Variants in ANXA6 observed in about 807,000 individuals in gnomAD.
The protein encoded by ANXA6 is 67 kDa calelectrin.
ANXA6 carries 71 observed loss-of-function variants against 95.4 expected under a neutral mutation model. That is an observed-to-expected ratio of 0.74 (90% CI 0.61 to 0.91). ANXA6 has a LOEUF of 0.91. ANXA6 is among the 40% of genes least tolerant of loss of function. The probability of loss-of-function intolerance (pLI) is 0.00; values close to 1 mark genes in which losing one functional copy is unlikely to be tolerated. For synonymous variants in ANXA6, 289 were observed against 315.9 expected (o/e 0.91, Z 0.90); for missense variants, 830 against 876.4 (o/e 0.95, Z 0.67).
chr5:151,139,160 C>A, intron 4 of ANXA6, 193 bp downstream of exon 4: 1 of 596,258 alleles, frequency 1.7e-6, no homozygotes, highest in South Asian at 2.0e-5. Context: ...ACGAGCCCAG[C>A]ATACAGCAGG....
intron 23 of ANXA6, among the ~76,000 whole-genome samples, chr5:151,107,076 T>A (rs1218783202): frequency 6.6e-6 from 1 of 152,202 alleles, no homozygotes; most frequent in Admixed American, 6.5e-5. Context: ...GCTATAAGCC[T>A]CTCTGAACTC....
chr5:151,113,170 G>A (rs1029565333), intron 20 of ANXA6, among the ~76,000 whole-genome samples: 1 of 152,210 alleles, frequency 6.6e-6, no homozygotes, highest in East Asian at 1.9e-4. Flanking sequence ...GGAGGCTGAG[G>A]CAGGTTGATC....
At chr5:151,146,537 A>T (rs1765980079) in intron 2 of ANXA6, among the ~76,000 whole-genome samples, 1 of 152,100 alleles carries the variant, frequency 6.6e-6, no homozygotes, top group South Asian at 2.1e-4. Context: ...GGATGGATGG[A>T]GTTTTATTAT....
intron 13 of ANXA6, 81 bp downstream of exon 13, chr5:151,128,100 C>T: frequency 8.2e-7 from 1 of 1,215,396 alleles, no homozygotes; most frequent in Non-Finnish European, 1.2e-6. Context: ...TCCAATCCAC[C>T]CATCAGGATG....
At position 151,130,213 on chromosome 5, in the gene ANXA6, C is replaced by T. The variant is rs961723309; in HGVS notation, c.796-684G>A. Among the ~76,000 whole-genome samples, 14 of 151,768 alleles carry T rather than the reference C, an allele frequency of 9.2e-5. No individual in the cohort carries two copies. The South Asian group carries it at 1.7e-3, about 18-fold the overall frequency. On this transcript the variant is annotated intron_variant, in intron 11 of 25. Coordinates refer to ENST00000354546, the MANE Select transcript of ANXA6 (RefSeq NM_001155.5). ...TAGCTTTTTCCTAATATAAGCAATACTGTTATAAGTTTTTTTTTTCTTTTT... is the reference window on the plus strand; with the variant it reads ...TAGCTTTTTCCTAATATAAGCAATATTGTTATAAGTTTTTTTTTTCTTTTT...
rs148351372 is a variant in ANXA6, at chr5:151,133,023, G to A, written c.640+71C>T. On this transcript the variant is annotated intron_variant, in intron 9 of 25. Coordinates refer to ENST00000354546, the MANE Select transcript of ANXA6 (RefSeq NM_001155.5). ...CATGTTCCATTAGTGGTAAAGAAAA[G>A]AAAAGAGATAAAGAAAGGCATTATT... The A allele has an allele frequency of 3.7e-4, 429 of 1,163,374 alleles. 3 individuals are homozygous for A. In the East Asian group the frequency reaches 0.011, roughly 29 times the overall value. The allele number at this position is 1,163,374 out of a possible 1,614,324, so 72.1% of individuals were successfully genotyped here. A position where few individuals can be genotyped will look rare whatever the true frequency, so the allele number is the denominator to read the frequency against.
intron 6 of ANXA6, 48 bp from the exon 7 acceptor site, chr5:151,136,383 G>T: frequency 1.3e-6 from 2 of 1,579,862 alleles, no homozygotes; most frequent in Non-Finnish European, 1.7e-6. Context: ...AGACCTCAGG[G>T]ATCTAGGATA....
chr5:151,128,356 G>T, intron 12 of ANXA6, 117 bp from the exon 13 acceptor site: 1 of 859,758 alleles, frequency 1.2e-6, no homozygotes, highest in Non-Finnish European at 1.9e-6. Context: ...CTTATTCATA[G>T]CAGCCCTGGC....
Position 151,147,897 on chromosome 5 carries a change from G to T in ANXA6, c.5C>A (p.Ala2Asp). ...GAGGCCCCTTACCTGTGCTGGTTTG[G>T]CCATGGTCTCCGGTTCGCAGCAGAA... is the stretch of plus-strand genomic sequence containing the variant. M[A>D]KPAQGAKYRG... Residue 2 changes from alanine (A) to aspartate (D), a missense_variant, in exon 2 of 26, where the codon GCC becomes GAC. Ala to Asp is a moderately radical substitution (Grantham distance 126). Transcript: ENST00000354546. 2 of 1,605,514 alleles carry T rather than the reference G, an allele frequency of 1.2e-6. No individual in the cohort carries two copies. The highest frequency in any genetic ancestry group is 3.4e-5 in the Admixed American group (2 of 58,868).
In ANXA6 at chr5:151,117,751, C is replaced by A; in HGVS notation, c.1518+7G>T. 1 of 1,612,856 alleles carries A rather than the reference C, an allele frequency of 6.2e-7. No individual in the cohort carries two copies. Among genetic ancestry groups the A allele is most frequent in the South Asian group, 1.1e-5 (1 of 90,900 alleles). On this transcript the variant is annotated splice_region_variant and intron_variant, in intron 19 of 25. Coordinates refer to ENST00000354546, the MANE Select transcript of ANXA6 (RefSeq NM_001155.5). ...CAAGCCGACCTGGGGCCCATGAATTCACTCACCGTGGCCAGAGAAATGAGG... is the reference window on the plus strand; with the variant it reads ...CAAGCCGACCTGGGGCCCATGAATTAACTCACCGTGGCCAGAGAAATGAGG...
chr5:151,134,822 C>T (rs991689042), intron 7 of ANXA6, among the ~76,000 whole-genome samples: 2 of 152,170 alleles, frequency 1.3e-5, no homozygotes, highest in African/African-American at 2.4e-5. Context: ...AGGGTCCCTG[C>T]CACAGATCCT....
At chr5:151,141,664 A>G (rs1327005265) in intron 2 of ANXA6, 1 of 985,308 alleles carries the variant, frequency 1.0e-6, no homozygotes, top group African/African-American at 1.7e-5. Flanking sequence ...CTGTCTGCAG[A>G]GGCTGGCTCC....
At chr5:151,124,166 G>T in intron 15 of ANXA6, 120 bp downstream of exon 15, 1 of 835,904 alleles carries the variant, frequency 1.2e-6, no homozygotes, top group Non-Finnish European at 2.0e-6. Context: ...TTGAGATCAA[G>T]CCTTCCTCAT....
At chr5:151,110,339 T>C (rs914186785) in intron 21 of ANXA6, among the ~76,000 whole-genome samples, 3 of 150,014 alleles carry the variant, frequency 2.0e-5, no homozygotes, top group African/African-American at 7.4e-5. Context: ...GTTCTATTTA[T>C]ACTGATAGTA....
chr5:151,110,872 C>A (rs747681579), intron 20 of ANXA6, among the ~76,000 whole-genome samples: 1 of 152,100 alleles, frequency 6.6e-6, no homozygotes. Flanking sequence ...GCGGATAGGC[C>A]TGGCAATAAC....
rs753079710 is a variant in ANXA6 at position 151,131,274 on chromosome 5, C to T, written c.752G>A (p.Ser251Asn). Residue 251 changes from serine to asparagine, a missense_variant, in exon 11 of 26, where the codon AGC becomes AAC. Coordinates refer to ENST00000354546, the MANE Select transcript of ANXA6 (RefSeq NM_001155.5). ...LMLAVVKCIR[S>N]TPEYFAERLF... Reference sequence around the variant, plus strand: ...CCTTTCAGCAAAATATTCCGGGGTGCTCCGGATACACTTCACTGTGAAGAG... The same window carrying T: ...CCTTTCAGCAAAATATTCCGGGGTGTTCCGGATACACTTCACTGTGAAGAG... 6.2e-7 allele frequency: 1 copy of T among 1,613,966 alleles called. No homozygotes were observed. The highest frequency in any genetic ancestry group is 2.2e-5 in the East Asian group (1 of 44,882).
chr5:151,149,494 C>T (rs1187777623), intron 1 of ANXA6, among the ~76,000 whole-genome samples: 1 of 152,020 alleles, frequency 6.6e-6, no homozygotes, highest in African/African-American at 2.4e-5. Flanking sequence ...GCAATTTGAT[C>T]TCTTTTTTTT....
chr5:151,148,650 C>T (rs887410594), intron 1 of ANXA6, among the ~76,000 whole-genome samples: 2 of 152,196 alleles, frequency 1.3e-5, no homozygotes, highest in African/African-American at 4.8e-5. Flanking sequence ...AACAAATGCA[C>T]TCATCAGGCT....
chr5:151,154,664 G>C (rs766146764), intron 1 of ANXA6, among the ~76,000 whole-genome samples: 1 of 152,210 alleles, frequency 6.6e-6, no homozygotes. Context: ...GGCTCTGTGC[G>C]TGGGCACACC....
Sources: gnomAD v4.1 joint callset for allele counts (sites outside exome capture counted in the v4.1 genomes callset) on GRCh38, gnomAD v4.1.1 for gene constraint, MANE v1.5 for transcripts, NCBI Gene and HGNC (gene_info 2026-07-23, HGNC 2026-07-21) for gene names.